The following SESN1 variants were observed in gnomAD, a reference collection of about 807,000 sequenced individuals.
SESN1 encodes the protein sestrin 1, also known as sestrin-1.
In SESN1, 30 loss-of-function variants were observed where a neutral mutation model predicts 59.3. That is an observed-to-expected ratio of 0.51 (90% CI 0.38 to 0.69). The LOEUF is 0.69. Ranked by LOEUF, SESN1 falls within the 30% of genes least tolerant of loss-of-function variation. The pLI, the probability that SESN1 is intolerant of heterozygous loss-of-function variation, is 0.00. For missense variants in SESN1, 566 were observed against 673.0 expected, an observed-to-expected ratio of 0.84 and a Z score of 1.76; for synonymous variants, 197 against 219.9, an observed-to-expected ratio of 0.90 and a Z score of 0.92.
chr6:109,076,451 C>G (rs1781034899), intron 1 of SESN1, among the ~76,000 whole-genome samples: 4 of 152,058 alleles, frequency 2.6e-5, no homozygotes. Flanking sequence ...CCATCTCAGT[C>G]TTTAAATTAC....
At chr6:108,995,293 T>C (rs1025450161) in intron 5 of SESN1, among the ~76,000 whole-genome samples, 1 of 152,250 alleles carries the variant, frequency 6.6e-6, no homozygotes, top group African/African-American at 2.4e-5. Context: ...GTATAAGTGA[T>C]TTTGCATCAA....
At chr6:109,048,929 C>T (rs1265527311) in intron 1 of SESN1, among the ~76,000 whole-genome samples, 1 of 152,148 alleles carries the variant, frequency 6.6e-6, no homozygotes, top group Admixed American at 6.6e-5. Context: ...TAAAACATAA[C>T]AATGGTTTCC....
rs775259383 is a variant in SESN1 at position 108,985,174 on chromosome 6, C to T, written c.*2370G>A. Among the ~76,000 whole-genome samples, 23 of 151,954 alleles carry T rather than the reference C, an allele frequency of 1.5e-4. No individual in the cohort carries two copies. The highest frequency in any genetic ancestry group is 2.6e-4 in the Non-Finnish European group (18 of 67,992). On this transcript the variant is annotated 3_prime_UTR_variant, in exon 10 of 10. Coordinates refer to ENST00000436639, the MANE Select transcript of SESN1 (RefSeq NM_014454.3). ...AGTATATTGATAAAAAGTGCTTATC[C>T]AACAAGTTTTACTTATCTACTTATC... is the stretch of plus-strand genomic sequence containing the variant.
At chr6:109,055,316 G>A (rs745816601) in intron 1 of SESN1, among the ~76,000 whole-genome samples, 5 of 152,082 alleles carry the variant, frequency 3.3e-5, no homozygotes, top group Non-Finnish European at 7.4e-5. Context: ...TTCAAGTTGT[G>A]TGGTATTTTT....
At chr6:109,032,313 C>T (rs937223514) in intron 1 of SESN1, among the ~76,000 whole-genome samples, 1 of 151,714 alleles carries the variant, frequency 6.6e-6, no homozygotes, top group Non-Finnish European at 1.5e-5. Flanking sequence ...ATGAGGCGTG[C>T]TCCCCCTGTA....
intron 1 of SESN1, chr6:109,090,581 G>A (rs1002681800): frequency 1.3e-5 from 2 of 152,166 alleles, no homozygotes; most frequent in Non-Finnish European, 2.9e-5. Context: ...ATAATGAAGA[G>A]ATCATATATT....
intron 1 of SESN1, among the ~76,000 whole-genome samples, chr6:109,042,807 T>A (rs1780363710): frequency 6.6e-6 from 1 of 152,066 alleles, no homozygotes; most frequent in African/African-American, 2.4e-5. Flanking sequence ...CAATTTTACA[T>A]AATATTTTCC....
chr6:109,043,492 G>A (rs1328570881), intron 1 of SESN1, among the ~76,000 whole-genome samples: 2 of 152,034 alleles, frequency 1.3e-5, no homozygotes, highest in East Asian at 1.9e-4. Flanking sequence ...AAAAAACAAC[G>A]AATTCCTAGA....
At chr6:109,063,721 T>C (rs1780768703) in intron 1 of SESN1, among the ~76,000 whole-genome samples, 1 of 152,188 alleles carries the variant, frequency 6.6e-6, no homozygotes, top group African/African-American at 2.4e-5. Flanking sequence ...GCTACCATCT[T>C]TTAATCTGAT....
At chr6:109,072,644 AAGTAAAACAGT>A (rs1419942168) in intron 1 of SESN1, among the ~76,000 whole-genome samples, 1 of 152,220 alleles carries the variant, frequency 6.6e-6, no homozygotes, top group Non-Finnish European at 1.5e-5. Context: ...GAGAGCAGGC[AAGTAAAACAGT>A]AACTTTTGAT....
At chr6:109,052,799 T>C (rs1242536569) in intron 1 of SESN1, among the ~76,000 whole-genome samples, 1 of 152,194 alleles carries the variant, frequency 6.6e-6, no homozygotes, top group Non-Finnish European at 1.5e-5. Flanking sequence ...AGACAGAATA[T>C]TCCTTTAGTT....
At chr6:109,046,218 C>G (rs12332903) in intron 1 of SESN1, among the ~76,000 whole-genome samples, 2 of 146,102 alleles carry the variant, frequency 1.4e-5, no homozygotes, top group Non-Finnish European at 3.0e-5. Context: ...CTCAGCCTGC[C>G]GAGTGCCTGC....
At chr6:108,992,636 A>G in intron 7 of SESN1, 151 bp downstream of exon 7, 1 of 649,190 alleles carries the variant, frequency 1.5e-6, no homozygotes, top group Non-Finnish European at 2.7e-6. Flanking sequence ...TGGATGAATT[A>G]GAAACAGTCT....
At chr6:109,022,900 T>A (rs1411620770) in intron 1 of SESN1, among the ~76,000 whole-genome samples, 1 of 152,186 alleles carries the variant, frequency 6.6e-6, no homozygotes, top group African/African-American at 2.4e-5. Flanking sequence ...TGCTGCCTGA[T>A]AATGTTTTAG....
At chr6:109,065,061 G>A (rs1780799771) in intron 1 of SESN1, among the ~76,000 whole-genome samples, 1 of 152,020 alleles carries the variant, frequency 6.6e-6, no homozygotes, top group Non-Finnish European at 1.5e-5. Context: ...TATTTGAGTT[G>A]CAAAATTTTG....
intron 1 of SESN1, among the ~76,000 whole-genome samples, chr6:109,070,692 A>C (rs1193360470): frequency 1.3e-5 from 2 of 152,238 alleles, no homozygotes; most frequent in African/African-American, 4.8e-5. Context: ...TGAAAATGTA[A>C]TCTCCAACCT....
chr6:109,078,392 AAAATAT>A (rs1427282934), intron 1 of SESN1, among the ~76,000 whole-genome samples: 7 of 152,130 alleles, frequency 4.6e-5, no homozygotes, highest in African/African-American at 1.7e-4. Context: ...AAAATAAAAT[AAAATAT>A]AAATATAAAT....
chr6:109,082,418 T>C (rs189043085), intron 1 of SESN1, among the ~76,000 whole-genome samples: 65 of 152,314 alleles, frequency 4.3e-4, no homozygotes, highest in African/African-American at 1.5e-3. Context: ...AAGGAGGTTA[T>C]GTAACTTGCC....
rs370751871 is a variant in SESN1 at position 109,094,038 on chromosome 6, T to A, written c.36A>T (p.Gly12=). 78 of 1,613,944 alleles carry A rather than the reference T, an allele frequency of 4.8e-5. No individual in the cohort carries two copies. Among genetic ancestry groups the A allele is most frequent in the Non-Finnish European group, 6.2e-5 (73 of 1,179,992 alleles). The change falls in exon 1 of 10, where the codon GGA becomes GGT. Residue 12 remains glycine (G), a synonymous_variant. Transcript: ENST00000436639. ...AEGENEVRWD[G]LCSRDSTTRE... ...TAGTAGTTGAATCTCTGCTGCAGAG[T>A]CCATCCCATCTCACTTCATTCTCTC...
Sources: allele counts gnomAD v4.1 joint callset (sites outside exome capture counted in the v4.1 genomes callset), GRCh38; gene constraint gnomAD v4.1.1; transcripts MANE v1.5; gene names NCBI Gene and HGNC (gene_info 2026-07-23, HGNC 2026-07-21).